The following METTL21C variants were observed in gnomAD, a reference collection of about 807,000 sequenced individuals.
METTL21C encodes the protein protein-lysine methyltransferase METTL21C.
In METTL21C, 21 loss-of-function variants were observed where a neutral mutation model predicts 25.9. That is an observed-to-expected ratio of 0.81 (90% CI 0.58 to 1.17). METTL21C has a LOEUF of 1.17. Ranked by LOEUF, METTL21C falls within the 50% of genes most tolerant of loss-of-function variation. METTL21C has a pLI of 0.00. For synonymous variants in METTL21C, 125 were observed against 124.7 expected (o/e 1.00, Z -0.01); for missense variants, 312 against 315.1 (o/e 0.99, Z 0.07).
the METTL21C span, among the ~76,000 whole-genome samples, chr13:102,702,414 A>G: frequency 6.6e-6 from 1 of 152,188 alleles, no homozygotes; most frequent in Non-Finnish European, 1.5e-5. Context: ...GGACAGTATG[A>G]TAAAAGCAAG....
In METTL21C at chr13:102,685,880, A is replaced by C. The variant is rs1587; in HGVS notation, c.*151T>G. 158,868 of 615,120 alleles carry C rather than the reference A, an allele frequency of 0.26. 22,399 individuals carry two copies. The highest frequency in any genetic ancestry group is 0.29 in the Non-Finnish European group (113,277 of 385,072). The allele number at this position is 615,120 out of a possible 1,614,324, so 38.1% of individuals were successfully genotyped here. A position where few individuals can be genotyped will look rare whatever the true frequency, so the allele number is the denominator to read the frequency against. On this transcript the variant is annotated 3_prime_UTR_variant, in exon 4 of 4. Transcript: ENST00000267273. Reference sequence around the variant, plus strand: ...TCTTAAATTATCTTAGAAATTAGAAAGTTTCTGCAGTATTGTTACATTTGT... The same window carrying C: ...TCTTAAATTATCTTAGAAATTAGAACGTTTCTGCAGTATTGTTACATTTGT...
chr13:102,698,546 T>C (rs1426998693), upstream of METTL21C, among the ~76,000 whole-genome samples: 1 of 152,110 alleles, frequency 6.6e-6, no homozygotes, highest in African/African-American at 2.4e-5. Context: ...ACCACCCACA[T>C]CAGCAGGTCT....
At chr13:102,699,013 A>T (rs1411156874), upstream of METTL21C, among the ~76,000 whole-genome samples, 1 of 152,180 alleles carries the variant, frequency 6.6e-6, no homozygotes, top group Non-Finnish European at 1.5e-5. Flanking sequence ...AGGGAAAAAG[A>T]TTCCGAGTGC....
Position 102,690,805 on chromosome 13 carries a change from T to A in METTL21C, c.282+8A>T, listed in dbSNP as rs1000600457. 1.6e-5 allele frequency: 25 copies of A among 1,612,558 alleles called. No individual in the cohort carries two copies. In the Middle Eastern group the frequency reaches 1.3e-3, roughly 85 times the overall value. On this transcript the variant is annotated splice_region_variant and intron_variant, in intron 2 of 3. Transcript: ENST00000267273. The stretch of plus-strand genomic sequence containing the variant: ...ATCCTGACATCACAAATATGACAGT[T>A]CTCTCACCCCTGGCCACACCACCGC...
intron 2 of METTL21C, among the ~76,000 whole-genome samples, chr13:102,687,825 T>G (rs1237995458): frequency 6.6e-6 from 1 of 152,174 alleles, no homozygotes; most frequent in Non-Finnish European, 1.5e-5. Context: ...ATATTGTTAG[T>G]TTTTTATACA....
At chr13:102,697,155 G>C (rs1370099886), upstream of METTL21C, among the ~76,000 whole-genome samples, 1 of 152,092 alleles carries the variant, frequency 6.6e-6, no homozygotes, top group African/African-American at 2.4e-5. Flanking sequence ...GGAGTCAGAA[G>C]ATACAAGATT....
the METTL21C span, among the ~76,000 whole-genome samples, chr13:102,702,208 T>TAG: frequency 7.4e-4 from 99 of 134,668 alleles, 1 homozygote; most frequent in South Asian, 9.6e-3. Flanking sequence ...TATATATATG[T>TAG]AGAGAGAGAG....
At position 102,686,156 on chromosome 13, in the gene METTL21C, T is replaced by C. The variant is rs927921566; in HGVS notation, c.670A>G (p.Lys224Glu). The change falls in exon 4 of 4, where the codon AAA (lysine) becomes GAA (glutamate). Residue 224 changes from lysine to glutamate, a missense_variant. Lys to Glu is a moderately conservative substitution (Grantham distance 56). Coordinates refer to ENST00000267273, the MANE Select transcript of METTL21C (RefSeq NM_001010977.3). ...QPGTVLLWAN[K>E]FRFSTDYEFL... ...TCATAGTCGGTGCTGAACCTGAATT[T>C]GTTTGCCCAAAGCAGCACCGTCCCT... 6.2e-7 allele frequency: 1 copy of C among 1,614,210 alleles called. No individual in the cohort carries two copies. Among genetic ancestry groups the C allele is most frequent in the East Asian group, 2.2e-5 (1 of 44,886 alleles).
chr13:102,698,241 C>T (rs1188805300), upstream of METTL21C, among the ~76,000 whole-genome samples: 2 of 152,128 alleles, frequency 1.3e-5, no homozygotes, highest in African/African-American at 2.4e-5. Context: ...GATCACTCAC[C>T]TAATCATATG....
chr13:102,698,032 G>A (rs952692666), upstream of METTL21C, among the ~76,000 whole-genome samples: 1 of 152,184 alleles, frequency 6.6e-6, no homozygotes, highest in Non-Finnish European at 1.5e-5. Context: ...AGCGAGGCCA[G>A]GACAGTATCT....
At chr13:102,698,392 T>G (rs1885981348), upstream of METTL21C, among the ~76,000 whole-genome samples, 1 of 152,212 alleles carries the variant, frequency 6.6e-6, no homozygotes, top group South Asian at 2.1e-4. Flanking sequence ...CACTTCCTTG[T>G]TGTTGTTTGT....
At chr13:102,698,971 C>T (rs1380848979), upstream of METTL21C, among the ~76,000 whole-genome samples, 1 of 152,196 alleles carries the variant, frequency 6.6e-6, no homozygotes, top group Non-Finnish European at 1.5e-5. Flanking sequence ...CACCATCCAT[C>T]ACTGTGTATC....
chr13:102,689,087 T>C (rs1298677756), intron 2 of METTL21C, among the ~76,000 whole-genome samples: 1 of 147,068 alleles, frequency 6.8e-6, no homozygotes, highest in Non-Finnish European at 1.5e-5. Flanking sequence ...TTCTGATCTT[T>C]TTTTTAAAAT....
chr13:102,696,978 G>A (rs1427686274), upstream of METTL21C, among the ~76,000 whole-genome samples: 4 of 152,192 alleles, frequency 2.6e-5, no homozygotes, highest in Admixed American at 2.6e-4. Context: ...TAGTTGAAGT[G>A]CAGCCGGTGA....
At chr13:102,692,176 T>C (rs1268254092) in intron 1 of METTL21C, among the ~76,000 whole-genome samples, 4 of 151,978 alleles carry the variant, frequency 2.6e-5, no homozygotes, top group South Asian at 2.1e-4. Context: ...CCGGTGAACA[T>C]TGGAAGTGTT....
At chr13:102,690,727 A>T in intron 2 of METTL21C, 86 bp downstream of exon 2, 2 of 1,487,098 alleles carry the variant, frequency 1.3e-6, no homozygotes, top group Non-Finnish European at 1.8e-6. Flanking sequence ...ATATGAAGGA[A>T]CTTGACAAAT....
rs746190090 is a variant in METTL21C at position 102,694,336 on chromosome 13, G to GA, written c.130+32dup. 3.1e-6 allele frequency: 5 copies of GA among 1,589,248 alleles called. No homozygotes were observed. In the East Asian group the frequency reaches 9.3e-5, roughly 30 times the overall value. On this transcript the variant is annotated intron_variant, in intron 1 of 3. Transcript: ENST00000267273. Reference sequence around the variant, plus strand: ...TGTCATCGCCAGGAAAACAACTGAGGAAAACTGTTGAAGTGATGAAGAAGG... The same window carrying GA: ...TGTCATCGCCAGGAAAACAACTGAGGAAAAACTGTTGAAGTGATGAAGAAGG...
chr13:102,693,091 G>A (rs765012145), intron 1 of METTL21C, among the ~76,000 whole-genome samples: 11 of 152,162 alleles, frequency 7.2e-5, no homozygotes, highest in Admixed American at 2.0e-4. Flanking sequence ...CAGAGAAGCA[G>A]CATGACTTCG....
rs1595241504 is a variant in METTL21C, at chr13:102,686,399, G to C, written c.427C>G (p.Pro143Ala). 1 of 1,612,984 alleles carries C rather than the reference G, an allele frequency of 6.2e-7. No individual in the cohort carries two copies. ...LGAQVTATDL[P>A]DVLGNLQYNL... ...TATTGAAGGTTTCCCAGGACATCAG[G>C]CAAATCTGTTGCTGTGACTTGAGCT... The change falls in exon 4 of 4, where the codon CCT (proline) becomes GCT (alanine). Residue 143 changes from proline to alanine, a missense_variant. Pro to Ala is a conservative substitution (Grantham distance 27, BLOSUM62 -1). Coordinates refer to ENST00000267273, the MANE Select transcript of METTL21C (RefSeq NM_001010977.3).
Sources: allele counts gnomAD v4.1 joint callset (sites outside exome capture counted in the v4.1 genomes callset), GRCh38; gene constraint gnomAD v4.1.1; transcripts MANE v1.5; gene names NCBI Gene and HGNC (gene_info 2026-07-23, HGNC 2026-07-21).